The following ITGAE variants were observed in gnomAD, a reference collection of about 807,000 sequenced individuals.
ITGAE encodes integrin alpha-E.
ITGAE carries 99 observed loss-of-function variants against 136.5 expected under a neutral mutation model. The observed-to-expected ratio is 0.73, with a 90% CI of 0.62 to 0.86. ITGAE has a LOEUF of 0.86. ITGAE is among the 40% of genes least tolerant of loss of function. The pLI is 0.00. For synonymous variants in ITGAE, 613 were observed against 591.8 expected (o/e 1.04, Z -0.52); for missense variants, 1,447 against 1,515.3 (o/e 0.95, Z 0.75).
chr17:3,767,301 T>A (rs1434252527), intron 2 of ITGAE, among the ~76,000 whole-genome samples: 2 of 152,152 alleles, frequency 1.3e-5, no homozygotes, highest in African/African-American at 4.8e-5. Context: ...TTTCACCATG[T>A]TGGCCAGGCT....
At position 3,799,180 on chromosome 17, in the gene ITGAE, C is replaced by T. The variant is rs1045666885; in HGVS notation, c.34+1931G>A. On this transcript the variant is annotated intron_variant, in intron 1 of 30. Transcript: ENST00000263087. This position sits in a 1 kb window ranked among gnomAD's most constrained non-coding sequence, Gnocchi z 4.1. ...ACTCTCCTCAGCCCCCAAGACTCAA[C>T]GCCACCTCACCTCCTCCAGGAAACT... Among the ~76,000 whole-genome samples, 10 of 152,158 alleles carry T rather than the reference C, an allele frequency of 6.6e-5. No homozygotes were observed. The highest frequency in any genetic ancestry group is 2.0e-4 in the Admixed American group (3 of 15,272).
intron 3 of ITGAE, among the ~76,000 whole-genome samples, chr17:3,762,589 A>ATTTTTTT (rs1201695419): frequency 8.9e-6 from 1 of 111,782 alleles, no homozygotes; most frequent in African/African-American, 3.6e-5. Context: ...TCAGACAAGG[A>ATTTTTTT]TTTTTTTTTT....
At chr17:3,763,556 T>C (rs1042909315) in intron 3 of ITGAE, among the ~76,000 whole-genome samples, 4 of 152,104 alleles carry the variant, frequency 2.6e-5, no homozygotes, top group African/African-American at 9.7e-5. Context: ...GCTTCCTCTC[T>C]TATAAATGGC....
intron 27 of ITGAE, 25 bp from the exon 28 acceptor site, chr17:3,723,408 A>G (rs374280054): frequency 8.6e-6 from 13 of 1,512,434 alleles, no homozygotes; most frequent in Non-Finnish European, 1.2e-5. Context: ...TCTAGTGAAC[A>G]CAATTCCTTT....
At chr17:3,730,782 C>G (rs934845986) in intron 23 of ITGAE, among the ~76,000 whole-genome samples, 4 of 152,320 alleles carry the variant, frequency 2.6e-5, no homozygotes, top group East Asian at 1.9e-4. Context: ...ACCTTACCCC[C>G]CAACACAGAG....
chr17:3,737,209 C>T (rs998912053), intron 20 of ITGAE, among the ~76,000 whole-genome samples: 9 of 152,198 alleles, frequency 5.9e-5, no homozygotes, highest in African/African-American at 2.2e-4. Flanking sequence ...AGGAGAAGCA[C>T]TTGAAGCCGG....
intron 26 of ITGAE, chr17:3,724,153 G>GGGT (rs2051144327): frequency 6.3e-7 from 1 of 1,594,424 alleles, no homozygotes; most frequent in African/African-American, 1.3e-5. Flanking sequence ...GACTTCCCCG[G>GGGT]CAGCCCGGTG....
At position 3,729,485 on chromosome 17, in the gene ITGAE, G is replaced by A; in HGVS notation, c.2905C>T (p.Leu969=). 6.2e-7 allele frequency: 1 copy of A among 1,608,144 alleles called. No homozygotes were observed. Among genetic ancestry groups the A allele is most frequent in the Non-Finnish European group, 8.5e-7 (1 of 1,174,480 alleles). Residue 969 remains leucine (L), a synonymous_variant, in exon 24 of 31, where the codon CTG becomes TTG. Transcript: ENST00000263087. ...LQFRHGFVAV[L]SKPSIMYVNT... is the part of the protein sequence containing the mutation. ...CCTCTTGGGAGTACTCACTTGGACA[G>A]AACTGCAACGAAGCCATGCCTGAAT...
Position 3,757,138 on chromosome 17 carries a change from CACAG to C in ITGAE, c.1021-8_1021-5del. 6.2e-7 allele frequency: 1 copy of C among 1,613,522 alleles called. No homozygotes were observed. The highest frequency in any genetic ancestry group is 8.5e-7 in the Non-Finnish European group (1 of 1,179,664). ...CACTCTTAAATTCTTCTCCCACCTG[CACAG>C]ACAGCCTGGGTCAGCGAGTCAGCGC... On this transcript the variant is annotated splice_region_variant and splice_polypyrimidine_tract_variant and intron_variant, in intron 9 of 30. Coordinates refer to ENST00000263087, the MANE Select transcript of ITGAE (RefSeq NM_002208.5).
intron 13 of ITGAE, among the ~76,000 whole-genome samples, 170 bp downstream of exon 13, chr17:3,753,613 G>A (rs1043323406): frequency 6.6e-6 from 1 of 152,188 alleles, no homozygotes; most frequent in African/African-American, 2.4e-5. Flanking sequence ...AAACTGCCTA[G>A]CAATCAGACA....
At chr17:3,746,231 G>A (rs1224308109) in intron 17 of ITGAE, among the ~76,000 whole-genome samples, 2 of 152,122 alleles carry the variant, frequency 1.3e-5, no homozygotes, top group Non-Finnish European at 2.9e-5. Context: ...AGAAAATAAG[G>A]AGGAAGAGAG....
intron 2 of ITGAE, among the ~76,000 whole-genome samples, chr17:3,775,630 T>TG (rs1022513457): frequency 2.4e-4 from 36 of 151,962 alleles, no homozygotes; most frequent in African/African-American, 8.4e-4. Flanking sequence ...CAGCTAATTT[T>TG]TTTTTTTTTT....
chr17:3,741,220 GCT>G (rs1399335345), intron 19 of ITGAE, among the ~76,000 whole-genome samples: 6 of 150,576 alleles, frequency 4.0e-5, no homozygotes, highest in Non-Finnish European at 8.9e-5. Context: ...TGGGACTACA[GCT>G]GCCCGCCACC....
At chr17:3,772,745 T>C (rs1269034265) in intron 2 of ITGAE, among the ~76,000 whole-genome samples, 1 of 152,134 alleles carries the variant, frequency 6.6e-6, no homozygotes, top group Non-Finnish European at 1.5e-5. Flanking sequence ...ATTACAGGCG[T>C]GAGCCACCGC....
chr17:3,751,802 T>C lies in ITGAE; in HGVS notation c.1741A>G (p.Met581Val), dbSNP rs1300032089. ...GFTNARFGFAMAAMGDLSQDK... is the reference protein window; with the variant it reads ...GFTNARFGFAVAAMGDLSQDK... ...TGACTGAGATCCCCCATAGCCGCCA[T>C]GGCAAAGCCAAAGCGGGCATTGGTG... The change falls in exon 15 of 31, where the codon ATG (methionine) becomes GTG (valine). Residue 581 changes from methionine to valine, a missense_variant. Physicochemically the swap from Met to Val is conservative, Grantham distance 21 (BLOSUM62 1). This residue lies in a region of ITGAE where 1,031 missense variants were observed against 1,011.4 expected (regional missense o/e 1.02). Coordinates refer to ENST00000263087, the MANE Select transcript of ITGAE (RefSeq NM_002208.5). 1 of 1,614,110 alleles carries C rather than the reference T, an allele frequency of 6.2e-7. No homozygotes were observed.
intron 1 of ITGAE, among the ~76,000 whole-genome samples, chr17:3,797,436 A>G (rs1389467386): frequency 2.1e-5 from 3 of 146,208 alleles, no homozygotes; most frequent in Admixed American, 1.4e-4. Flanking sequence ...AAGTGCTGGG[A>G]TTACAGGCTT....
intron 1 of ITGAE, chr17:3,784,436 C>T (rs928831677): frequency 1.3e-4 from 28 of 210,840 alleles, no homozygotes; most frequent in Non-Finnish European, 2.1e-4. Context: ...GGCTCTGTCA[C>T]CAGGCTGGAG....
At chr17:3,722,271 A>C (rs2051069566) in intron 28 of ITGAE, 1 of 152,208 alleles carries the variant, frequency 6.6e-6, no homozygotes, top group Non-Finnish European at 1.5e-5. Context: ...ACCTGAGGTC[A>C]GGAGTTCGAG....
intron 24 of ITGAE, chr17:3,728,523 C>A: frequency 1.6e-5 from 3 of 191,860 alleles, no homozygotes; most frequent in South Asian, 2.1e-4. Context: ...CAGGCGCCTG[C>A]CACCACACCT....
Sources: gnomAD v4.1 joint callset for allele counts (sites outside exome capture counted in the v4.1 genomes callset) on GRCh38, gnomAD v4.1.1 for gene constraint, gnomAD v4.1.1 regional missense constraint, Gnocchi (gnomAD v3.1) non-coding constraint, MANE v1.5 for transcripts, NCBI Gene and HGNC (gene_info 2026-07-23, HGNC 2026-07-21) for gene names.